The following TBC1D19 variants were observed in gnomAD, a reference collection of about 807,000 sequenced individuals.
TBC1D19 encodes the protein TBC1 domain family member 19, also known as TBC1 domain family, member 19.
A neutral mutation model predicts 89.0 loss-of-function variants in TBC1D19; 60 were observed. The observed-to-expected ratio is 0.67, with a 90% confidence interval of 0.55 to 0.84. The LOEUF is 0.84. Ranked by LOEUF, TBC1D19 falls within the 40% of genes least tolerant of loss-of-function variation. The probability of loss-of-function intolerance (pLI) is 0.00; values close to 1 mark genes in which losing one functional copy is unlikely to be tolerated. For synonymous variants in TBC1D19, 189 were observed against 199.7 expected (o/e 0.95, Z 0.45); for missense variants, 500 against 610.8 (o/e 0.82, Z 1.91).
the TBC1D19 span, among the ~76,000 whole-genome samples, chr4:26,812,038 C>T: frequency 2.6e-5 from 4 of 152,264 alleles, no homozygotes; most frequent in East Asian, 7.7e-4. This position sits in a 1 kb window ranked among gnomAD's most constrained non-coding sequence, Gnocchi z 4.2. Flanking sequence ...GATAGAGTTG[C>T]TCTAGTTCAA....
At chr4:26,813,672 T>C in the TBC1D19 span, among the ~76,000 whole-genome samples, 1 of 152,152 alleles carries the variant, frequency 6.6e-6, no homozygotes, top group Non-Finnish European at 1.5e-5. Flanking sequence ...TAACTGAATT[T>C]TGTGTTAGGT....
chr4:26,629,319 C>G (rs1742642130), intron 4 of TBC1D19, among the ~76,000 whole-genome samples: 2 of 151,976 alleles, frequency 1.3e-5, no homozygotes, highest in Non-Finnish European at 2.9e-5. Context: ...TACTCAGGTA[C>G]TTTTCCGGTC....
At chr4:26,833,811 C>G in the TBC1D19 span, among the ~76,000 whole-genome samples, 1 of 152,170 alleles carries the variant, frequency 6.6e-6, no homozygotes, top group Non-Finnish European at 1.5e-5. Flanking sequence ...CTGCCTTGTG[C>G]TAGGAATTAT....
At chr4:26,705,589 T>C (rs1715676176) in intron 13 of TBC1D19, among the ~76,000 whole-genome samples, 1 of 152,182 alleles carries the variant, frequency 6.6e-6, no homozygotes. Context: ...CAAACCCTTG[T>C]TGTAAATCAT....
the TBC1D19 span, among the ~76,000 whole-genome samples, chr4:26,842,548 TC>T: frequency 1.1e-5 from 1 of 87,838 alleles, no homozygotes; most frequent in Non-Finnish European, 2.2e-5. Context: ...CCTCCCTCCC[TC>T]CCTCCCTCTT....
chr4:26,701,556 C>CT (rs1715332334), intron 13 of TBC1D19, among the ~76,000 whole-genome samples: 1 of 151,922 alleles, frequency 6.6e-6, no homozygotes, highest in Non-Finnish European at 1.5e-5. Flanking sequence ...ATGGGGTTAT[C>CT]TTTTTCATTA....
At chr4:26,813,501 T>A in the TBC1D19 span, among the ~76,000 whole-genome samples, 2 of 152,334 alleles carry the variant, frequency 1.3e-5, no homozygotes, top group South Asian at 4.1e-4. Flanking sequence ...TGCGTTTTTT[T>A]ATAAAGTGCT....
At chr4:26,744,650 G>A (rs1274189898) in intron 18 of TBC1D19, among the ~76,000 whole-genome samples, 1 of 152,004 alleles carries the variant, frequency 6.6e-6, no homozygotes. Context: ...TTATGTAAAA[G>A]TACGTTGTTT....
At chr4:26,740,448 T>A (rs1342618729) in intron 17 of TBC1D19, among the ~76,000 whole-genome samples, 1 of 152,214 alleles carries the variant, frequency 6.6e-6, no homozygotes, top group African/African-American at 2.4e-5. Flanking sequence ...AATCAAGTAT[T>A]GATTTGTCAC....
the TBC1D19 span, among the ~76,000 whole-genome samples, chr4:26,801,431 T>A: frequency 6.6e-6 from 1 of 152,196 alleles, no homozygotes; most frequent in African/African-American, 2.4e-5. Flanking sequence ...TAGTTTGAAG[T>A]CAGGTAGCAT....
chr4:26,741,732 C>A (rs1220874177), intron 17 of TBC1D19, among the ~76,000 whole-genome samples: 1 of 149,522 alleles, frequency 6.7e-6, no homozygotes, highest in Non-Finnish European at 1.5e-5. Context: ...GTCTTTTTTT[C>A]TTTAGAAACA....
chr4:26,592,195 A>G (rs1159368205), intron 1 of TBC1D19, among the ~76,000 whole-genome samples: 1 of 152,238 alleles, frequency 6.6e-6, no homozygotes, highest in Non-Finnish European at 1.5e-5. Flanking sequence ...ATGCAAATCA[A>G]TAATTGTAAT....
At chr4:26,777,346 G>T in the TBC1D19 span, among the ~76,000 whole-genome samples, 1 of 152,006 alleles carries the variant, frequency 6.6e-6, no homozygotes, top group Non-Finnish European at 1.5e-5. Flanking sequence ...TATTGGTCAG[G>T]TTGGTCTCGA....
At chr4:26,733,391 G>A (rs1295852517) in intron 15 of TBC1D19, among the ~76,000 whole-genome samples, 1 of 152,154 alleles carries the variant, frequency 6.6e-6, no homozygotes, top group African/African-American at 2.4e-5. Flanking sequence ...TATTATGTGA[G>A]TTCTAGCGTT....
At chr4:26,682,431 A>G (rs1713431729) in intron 11 of TBC1D19, among the ~76,000 whole-genome samples, 1 of 152,230 alleles carries the variant, frequency 6.6e-6, no homozygotes, top group African/African-American at 2.4e-5. Flanking sequence ...TGTATTAAAC[A>G]TCTTTTGCAA....
intron 13 of TBC1D19, among the ~76,000 whole-genome samples, chr4:26,694,858 A>G (rs1714622908): frequency 6.6e-6 from 1 of 152,238 alleles, no homozygotes; most frequent in Non-Finnish European, 1.5e-5. Context: ...AAAACTAACA[A>G]ACAGAAAGGA....
At chr4:26,647,699 G>T (rs1256494464) in intron 7 of TBC1D19, among the ~76,000 whole-genome samples, 5 of 152,082 alleles carry the variant, frequency 3.3e-5, no homozygotes, top group Non-Finnish European at 5.9e-5. Flanking sequence ...TCTTACTCCA[G>T]CTACTTTAGC....
chr4:26,596,043 C>G (rs559745695), intron 1 of TBC1D19, among the ~76,000 whole-genome samples: 2 of 152,162 alleles, frequency 1.3e-5, no homozygotes, highest in South Asian at 2.1e-4. Context: ...TGCAACCTCT[C>G]TCTCCTGGAT....
intron 12 of TBC1D19, among the ~76,000 whole-genome samples, chr4:26,684,354 T>G (rs1019187361): frequency 2.6e-5 from 4 of 152,164 alleles, no homozygotes; most frequent in African/African-American, 9.7e-5. Context: ...AAAGGTTTGA[T>G]CGGACTGGAT....
Sources: allele counts gnomAD v4.1 joint callset (sites outside exome capture counted in the v4.1 genomes callset), GRCh38; gene constraint gnomAD v4.1.1; non-coding constraint Gnocchi (gnomAD v3.1); transcripts MANE v1.5; gene names NCBI Gene and HGNC (gene_info 2026-07-23, HGNC 2026-07-21).